Variants in ZCCHC24 observed in about 807,000 individuals in gnomAD.
The protein encoded by ZCCHC24 is zinc finger CCHC domain-containing protein 24.
A neutral mutation model predicts 26.2 loss-of-function variants in ZCCHC24; 10 were observed. The ratio of observed to expected loss-of-function variants is 0.38; its 90% CI spans 0.24 to 0.65. ZCCHC24 has a LOEUF of 0.65. ZCCHC24 is among the 30% of genes least tolerant of loss of function. ZCCHC24 has a pLI of 0.54. For missense variants in ZCCHC24, 243 were observed against 329.1 expected (o/e 0.74, Z 2.03); for synonymous variants, 144 against 147.1 (o/e 0.98, Z 0.15).
chr10:79,389,714 C>G (rs369078154), intron 3 of ZCCHC24, among the ~76,000 whole-genome samples: 1 of 151,780 alleles, frequency 6.6e-6, no homozygotes, highest in Non-Finnish European at 1.5e-5. Context: ...CTCCTGGGTT[C>G]GAGTGATTCT....
intron 1 of ZCCHC24, among the ~76,000 whole-genome samples, chr10:79,435,306 G>T (rs1393426714): frequency 2.6e-5 from 4 of 152,058 alleles, no homozygotes; most frequent in Admixed American, 2.6e-4. Flanking sequence ...GGAAGGGGAA[G>T]TTTGGTGGGT....
chr10:79,404,827 C>T (rs1856688911), intron 2 of ZCCHC24, among the ~76,000 whole-genome samples: 1 of 152,228 alleles, frequency 6.6e-6, no homozygotes, highest in Non-Finnish European at 1.5e-5. Flanking sequence ...CCCAGCTGAC[C>T]TTCCACCCAC....
At chr10:79,396,503 C>T (rs1246241935) in intron 2 of ZCCHC24, among the ~76,000 whole-genome samples, 3 of 152,318 alleles carry the variant, frequency 2.0e-5, no homozygotes, top group African/African-American at 7.2e-5. Context: ...CCAACTAGAG[C>T]TGAATTTACG....
At chr10:79,397,013 G>A (rs1856556415) in intron 2 of ZCCHC24, among the ~76,000 whole-genome samples, 1 of 152,204 alleles carries the variant, frequency 6.6e-6, no homozygotes, top group Admixed American at 6.5e-5. Context: ...ACAAAAAGTG[G>A]TATATAAAAT....
At chr10:79,394,509 C>G (rs759848724) in intron 2 of ZCCHC24, 69 bp from the exon 3 acceptor site, 1 of 1,565,890 alleles carries the variant, frequency 6.4e-7, no homozygotes, top group Admixed American at 1.8e-5. Context: ...CAGGGTTCCC[C>G]TGGCCTCCGC....
chr10:79,439,948 T>C (rs989233340), intron 1 of ZCCHC24, among the ~76,000 whole-genome samples: 6 of 152,138 alleles, frequency 3.9e-5, no homozygotes, highest in Non-Finnish European at 7.3e-5. Context: ...CCAGTTGGAA[T>C]GTGTCCATGT....
At chr10:79,398,695 C>G (rs1856581606) in intron 2 of ZCCHC24, among the ~76,000 whole-genome samples, 2 of 152,170 alleles carry the variant, frequency 1.3e-5, no homozygotes, top group Admixed American at 1.3e-4. Context: ...GCTGCAGAAG[C>G]TCTGGGGACA....
At chr10:79,394,153 A>G in intron 3 of ZCCHC24, 123 bp downstream of exon 3, 1 of 1,340,036 alleles carries the variant, frequency 7.5e-7, no homozygotes, top group Non-Finnish European at 1.0e-6. Flanking sequence ...TTCAGATGAG[A>G]CAAGGAAAGA....
chr10:79,406,266 A>G (rs1333001153), intron 2 of ZCCHC24, among the ~76,000 whole-genome samples: 1 of 152,194 alleles, frequency 6.6e-6, no homozygotes, highest in East Asian at 1.9e-4. Context: ...CTGTTGCCCA[A>G]TTCCCTCCTT....
intron 1 of ZCCHC24, among the ~76,000 whole-genome samples, chr10:79,433,618 C>A (rs920365326): frequency 6.6e-6 from 1 of 152,194 alleles, no homozygotes; most frequent in Non-Finnish European, 1.5e-5. Context: ...CTGAAAGAGG[C>A]GGCCTCCCCA....
intron 1 of ZCCHC24, among the ~76,000 whole-genome samples, chr10:79,436,890 C>T (rs1857224023): frequency 6.6e-6 from 1 of 152,190 alleles, no homozygotes; most frequent in Non-Finnish European, 1.5e-5. Flanking sequence ...ACCTCTCTTT[C>T]CTCCCTAGGT....
intron 2 of ZCCHC24, among the ~76,000 whole-genome samples, chr10:79,411,353 G>A (rs1316651078): frequency 6.6e-6 from 1 of 152,186 alleles, no homozygotes; most frequent in Admixed American, 6.5e-5. Context: ...CTGCAGGTGA[G>A]CAAATAGGCT....
intron 2 of ZCCHC24, among the ~76,000 whole-genome samples, chr10:79,413,580 A>C (rs1279700183): frequency 6.6e-6 from 1 of 152,192 alleles, no homozygotes; most frequent in African/African-American, 2.4e-5. Context: ...AAAGTCAGCT[A>C]TAGAAAGCTG....
intron 2 of ZCCHC24, among the ~76,000 whole-genome samples, chr10:79,423,610 T>TATATATATATATATTTTC (rs1856985037): frequency 7.1e-6 from 1 of 140,340 alleles, no homozygotes; most frequent in Admixed American, 7.1e-5. Context: ...TATATATATA[T>TATATATATATATATTTTC]TTTCTGACTG....
At chr10:79,398,901 C>A (rs1460392693) in intron 2 of ZCCHC24, among the ~76,000 whole-genome samples, 3 of 152,144 alleles carry the variant, frequency 2.0e-5, no homozygotes, top group Non-Finnish European at 4.4e-5. Context: ...TGGGACTTGC[C>A]AAAGTGCTTC....
At chr10:79,437,413 G>T (rs1480753051) in intron 1 of ZCCHC24, among the ~76,000 whole-genome samples, 1 of 152,112 alleles carries the variant, frequency 6.6e-6, no homozygotes, top group Non-Finnish European at 1.5e-5. Context: ...ACCTTTCTTA[G>T]TCCCCTCTTA....
At chr10:79,408,761 G>A (rs574251266) in intron 2 of ZCCHC24, among the ~76,000 whole-genome samples, 3 of 152,182 alleles carry the variant, frequency 2.0e-5, no homozygotes, top group South Asian at 4.1e-4. Flanking sequence ...AGTCTCTGAC[G>A]GTTCACAGCC....
At chr10:79,405,483 G>A (rs796437096) in intron 2 of ZCCHC24, among the ~76,000 whole-genome samples, 13 of 152,360 alleles carry the variant, frequency 8.5e-5, no homozygotes, top group African/African-American at 2.9e-4. Context: ...TGCCAGGGCT[G>A]ATCATGGCGT....
intron 2 of ZCCHC24, among the ~76,000 whole-genome samples, chr10:79,406,366 C>T (rs1345749451): frequency 6.6e-6 from 1 of 152,154 alleles, no homozygotes; most frequent in Non-Finnish European, 1.5e-5. Flanking sequence ...GAGGGGAGCT[C>T]TGCAGAGGAA....
Sources: gnomAD v4.1 joint callset for allele counts (sites outside exome capture counted in the v4.1 genomes callset) on GRCh38, gnomAD v4.1.1 for gene constraint, MANE v1.5 for transcripts, NCBI Gene and HGNC (gene_info 2026-07-23, HGNC 2026-07-21) for gene names.